Variants in THAP10 observed in about 807,000 individuals in gnomAD.
THAP10 encodes THAP domain containing 10, also known as THAP domain-containing protein 10.
Under a neutral mutation model 15.7 loss-of-function variants are expected in THAP10, and 10 were observed. The ratio of observed to expected loss-of-function variants is 0.64; its 90% confidence interval spans 0.39 to 1.08. The LOEUF (loss-of-function observed/expected upper bound fraction) is 1.08, where lower values mean the gene tolerates loss of function less well. Ranked by LOEUF, THAP10 falls within the 50% of genes least tolerant of loss-of-function variation. The pLI, the probability that THAP10 is intolerant of heterozygous loss-of-function variation, is 0.01. For synonymous variants in THAP10, 127 were observed against 129.1 expected, an observed-to-expected ratio of 0.98 and a Z score of 0.11; for missense variants, 310 against 330.9, an observed-to-expected ratio of 0.94 and a Z score of 0.49.
intron 1 of THAP10, among the ~76,000 whole-genome samples, chr15:70,884,876 C>T (rs2033364783): frequency 6.6e-6 from 1 of 152,138 alleles, no homozygotes; most frequent in Non-Finnish European, 1.5e-5. Context: ...CATAATCTCA[C>T]AATCCATAGC....
At chr15:70,886,608 C>A (rs2033414164) in intron 1 of THAP10, among the ~76,000 whole-genome samples, 1 of 152,158 alleles carries the variant, frequency 6.6e-6, no homozygotes, top group Admixed American at 6.5e-5. Context: ...TGGCTCACGC[C>A]TGTAATCCCA....
intron 1 of THAP10, among the ~76,000 whole-genome samples, chr15:70,883,983 T>C (rs2033336270): frequency 6.6e-6 from 1 of 151,968 alleles, no homozygotes; most frequent in African/African-American, 2.4e-5. Flanking sequence ...GGGGAACTAA[T>C]ATGGGTGAGA....
intron 1 of THAP10, among the ~76,000 whole-genome samples, chr15:70,883,261 G>T (rs987915832): frequency 6.6e-6 from 1 of 150,890 alleles, no homozygotes; most frequent in Non-Finnish European, 1.5e-5. Flanking sequence ...GTGCCATCTC[G>T]GCTCACTGCA....
intron 1 of THAP10, among the ~76,000 whole-genome samples, chr15:70,889,177 A>G (rs989991786): frequency 6.6e-6 from 1 of 152,204 alleles, no homozygotes; most frequent in African/African-American, 2.4e-5. Context: ...CAATGGGTAA[A>G]AACCCAAATG....
rs755072420 is a variant in THAP10, at chr15:70,892,088, C to G, written c.185G>C (p.Cys62Ser). 3 of 1,613,866 alleles carry G rather than the reference C, an allele frequency of 1.9e-6. No homozygotes were observed. The Admixed American group carries it at 5.0e-5, about 27-fold the overall frequency. ...VICSDHFAPA[C>S]FDVSSVIQKN... ...CTGGATAACCGAAGAGACGTCAAAA[C>G]AGGCTGGGGCAAAGTGGTCAGAGCA... The change falls in exon 1 of 3, where the codon TGT becomes TCT. Residue 62 changes from cysteine (C) to serine (S), a missense_variant. Cys to Ser is a moderately radical substitution (Grantham distance 112, BLOSUM62 -1). Transcript: ENST00000249861.
At chr15:70,891,742 A>T in intron 1 of THAP10, 102 bp downstream of exon 1, 1 of 1,091,456 alleles carries the variant, frequency 9.2e-7, no homozygotes, top group Admixed American at 2.9e-5. Context: ...ATTAGAAAAC[A>T]GGAACTTTCG....
rs2033292069 is a variant in THAP10 at position 70,882,608 on chromosome 15, T to C, written c.620A>G (p.Asn207Ser). The C allele has an allele frequency of 6.2e-7, 1 of 1,613,928 alleles. No homozygotes were observed. The highest frequency in any genetic ancestry group is 8.5e-7 in the Non-Finnish European group (1 of 1,179,958). The change falls in exon 3 of 3, where the codon AAT becomes AGT. Residue 207 changes from asparagine (N) to serine (S), a missense_variant. Coordinates refer to ENST00000249861, the MANE Select transcript of THAP10 (RefSeq NM_020147.4). ...CAATTCCTCTGTCTGAGTAGTTGCA[T>C]TACACAGTCTTTTTCCAAACGCTTT... Reference protein sequence around the residue: ...KVKAFGKRLCNATTQTEELWS... With the variant: ...KVKAFGKRLCSATTQTEELWS...
At position 70,892,036 on chromosome 15, in the gene THAP10, CA is replaced by C; in HGVS notation, c.236del (p.Leu79ArgfsTer106). On this transcript the variant is annotated frameshift_variant, in exon 1 of 3. Coordinates refer to ENST00000249861, the MANE Select transcript of THAP10 (RefSeq NM_020147.4). LOFTEE classifies it high-confidence loss of function. Reference sequence around the variant, plus strand: ...TGGGCACGGCGCCTGCCACCAGCCTCAGGCGCTGGGAGAAGCGCAGGTTCTT... The same window carrying C: ...TGGGCACGGCGCCTGCCACCAGCCTCGGCGCTGGGAGAAGCGCAGGTTCTT... The part of the protein sequence containing the change: ...IQKNLRFSQR[L>X]RLVAGAVPTL... The C allele has an allele frequency of 6.2e-7, 1 of 1,613,398 alleles. No homozygotes were observed. The highest frequency in any genetic ancestry group is 1.1e-5 in the South Asian group (1 of 90,930).
At chr15:70,891,567 CTG>C (rs3220843) in intron 1 of THAP10, among the ~76,000 whole-genome samples, 12,829 of 136,398 alleles carry the variant, frequency 0.094, 518 homozygotes, top group Middle Eastern at 0.14. Context: ...GGACAAGACT[CTG>C]TGTGTGTGTG....
intron 1 of THAP10, among the ~76,000 whole-genome samples, chr15:70,891,266 G>A (rs1221187934): frequency 6.6e-6 from 1 of 152,166 alleles, no homozygotes; most frequent in Non-Finnish European, 1.5e-5. Context: ...AGCAAGATGG[G>A]GAAAGTCAGC....
At position 70,892,142 on chromosome 15, in the gene THAP10, C is replaced by CA; in HGVS notation, c.130dup (p.Trp44LeufsTer6). ...GACCGAGCGGTCATTGCCTCCGTAC[C>CA]AGTCGGCGCGGCAACCCCGCACGAA... On this transcript the variant is annotated frameshift_variant, in exon 1 of 3. Transcript: ENST00000249861. LOFTEE classifies it high-confidence loss of function. The CA allele has an allele frequency of 1.9e-6, 3 of 1,613,556 alleles. No individual in the cohort carries two copies. Among genetic ancestry groups the CA allele is most frequent in the Middle Eastern group, 1.7e-4 (1 of 6,060 alleles).
chr15:70,891,534 T>A (rs2033562445), intron 1 of THAP10, among the ~76,000 whole-genome samples: 1 of 149,098 alleles, frequency 6.7e-6, no homozygotes, highest in African/African-American at 2.5e-5. Context: ...GAGCAGCGAG[T>A]GAAAGCAACT....
intron 1 of THAP10, among the ~76,000 whole-genome samples, chr15:70,883,697 G>A (rs975700608): frequency 1.3e-5 from 2 of 148,246 alleles, no homozygotes; most frequent in Non-Finnish European, 1.5e-5. Context: ...CACCCAGACC[G>A]GAGTGCAGAA....
intron 1 of THAP10, among the ~76,000 whole-genome samples, chr15:70,886,187 GA>G (rs1366721124): frequency 6.6e-6 from 1 of 152,076 alleles, no homozygotes; most frequent in Non-Finnish European, 1.5e-5. Context: ...GTTAGGTGGG[GA>G]CTTATAATCT....
At chr15:70,886,421 T>A (rs564263108) in intron 1 of THAP10, among the ~76,000 whole-genome samples, 1 of 152,030 alleles carries the variant, frequency 6.6e-6, no homozygotes, top group South Asian at 2.1e-4. Context: ...TGAAAATCAA[T>A]GATATAATTT....
chr15:70,892,367 C>T lies in THAP10; in HGVS notation c.-95G>A. On this transcript the variant is annotated 5_prime_UTR_variant, in exon 1 of 3. Transcript: ENST00000249861. ...GCCTCGGCGAGGCAAGTCCTCCCCT[C>T]CTCACCTGTCCACTCCGGGTCGGGA... The T allele has an allele frequency of 6.5e-7, 1 of 1,547,448 alleles. No individual in the cohort carries two copies. The highest frequency in any genetic ancestry group is 8.7e-7 in the Non-Finnish European group (1 of 1,146,730).
Position 70,892,164 on chromosome 15 carries a change from C to A in THAP10, c.109G>T (p.Val37Leu). Residue 37 changes from valine to leucine, a missense_variant, in exon 1 of 3, where the codon GTG becomes TTG. Val to Leu is a conservative substitution (Grantham distance 32). Coordinates refer to ENST00000249861, the MANE Select transcript of THAP10 (RefSeq NM_020147.4). ...RAVRLLWDRF[V>L]RGCRADWYGG... The stretch of plus-strand genomic sequence containing the variant: ...TACCAGTCGGCGCGGCAACCCCGCA[C>A]GAAGCGGTCCCAGAGCAGCCGCACG... The A allele has an allele frequency of 6.2e-7, 1 of 1,612,174 alleles. No individual in the cohort carries two copies. The highest frequency in any genetic ancestry group is 1.1e-5 in the South Asian group (1 of 90,708).
At chr15:70,890,778 G>GAGCAAA (rs2033534267) in intron 1 of THAP10, among the ~76,000 whole-genome samples, 1 of 152,178 alleles carries the variant, frequency 6.6e-6, no homozygotes, top group Non-Finnish European at 1.5e-5. Context: ...TGCAACAACT[G>GAGCAAA]AGCAAAGTCT....
intron 1 of THAP10, 91 bp from the exon 2 acceptor site, chr15:70,882,999 G>T: frequency 7.3e-7 from 1 of 1,372,398 alleles, no homozygotes; most frequent in Non-Finnish European, 9.9e-7. Context: ...CAGTATAGCT[G>T]AAAATTTTCA....
Sources: allele counts gnomAD v4.1 joint callset (sites outside exome capture counted in the v4.1 genomes callset), GRCh38; gene constraint gnomAD v4.1.1; transcripts MANE v1.5; gene names NCBI Gene and HGNC (gene_info 2026-07-23, HGNC 2026-07-21).